The following PHF21B variants were observed in gnomAD, a reference collection of about 807,000 sequenced individuals.
The protein encoded by PHF21B is PHD finger protein 21B, also known as PHD finger protein 4.
In PHF21B, 22 loss-of-function variants were observed where a neutral mutation model predicts 62.2. The ratio of observed to expected loss-of-function variants is 0.35; its 90% CI spans 0.25 to 0.51. PHF21B has a LOEUF of 0.51. Among genes scored for constraint, PHF21B ranks in the 20% least tolerant of loss-of-function variants. The probability of loss-of-function intolerance (pLI) is 0.97; values close to 1 mark genes in which losing one functional copy is unlikely to be tolerated. For missense variants in PHF21B, 701 were observed against 707.9 expected (o/e 0.99, Z 0.11); for synonymous variants, 341 against 314.7 (o/e 1.08, Z -0.88).
chr22:44,914,213 C>T (rs2071396712), intron 4 of PHF21B, 125 bp from the exon 5 acceptor site: 5 of 564,132 alleles, frequency 8.9e-6, no homozygotes, highest in Non-Finnish European at 1.6e-5. Context: ...CCTGGGAGGG[C>T]GGATCCCCGG....
At chr22:44,948,180 A>G (rs1001543915) in intron 2 of PHF21B, among the ~76,000 whole-genome samples, 1 of 152,246 alleles carries the variant, frequency 6.6e-6, no homozygotes, top group Non-Finnish European at 1.5e-5. Flanking sequence ...TTTATTGTGT[A>G]GTTTATTTCT....
intron 2 of PHF21B, among the ~76,000 whole-genome samples, chr22:45,000,140 C>T (rs1452187990): frequency 2.0e-5 from 3 of 152,080 alleles, no homozygotes; most frequent in African/African-American, 7.2e-5. Context: ...TCCAGTCTGT[C>T]CAGTTTTAAA....
At chr22:44,945,822 G>T (rs146671474) in intron 2 of PHF21B, among the ~76,000 whole-genome samples, 4 of 152,100 alleles carry the variant, frequency 2.6e-5, no homozygotes, top group Admixed American at 1.3e-4. Context: ...TCCAAAGGGG[G>T]CTGAGTGCCT....
chr22:44,908,899 G>GC (rs2071298142), intron 5 of PHF21B, among the ~76,000 whole-genome samples: 1 of 152,220 alleles, frequency 6.6e-6, no homozygotes, highest in African/African-American at 2.4e-5. Context: ...CCAGGTTCAA[G>GC]CGATTCTCCT....
At chr22:44,925,902 C>T (rs1419568626) in intron 2 of PHF21B, among the ~76,000 whole-genome samples, 1 of 152,194 alleles carries the variant, frequency 6.6e-6, no homozygotes, top group Non-Finnish European at 1.5e-5. Context: ...TGCAGCTGGT[C>T]AACAGTCAGG....
intron 7 of PHF21B, among the ~76,000 whole-genome samples, chr22:44,892,320 G>A (rs182859660): frequency 6.6e-6 from 1 of 152,352 alleles, no homozygotes; most frequent in African/African-American, 2.4e-5. Context: ...GAACAGGAGC[G>A]GGGCAGGCAG....
chr22:44,985,998 A>G (rs2072939698), intron 2 of PHF21B, among the ~76,000 whole-genome samples: 1 of 151,324 alleles, frequency 6.6e-6, no homozygotes, highest in African/African-American at 2.4e-5. Flanking sequence ...CACCATCACC[A>G]TGACAACCAT....
intron 2 of PHF21B, among the ~76,000 whole-genome samples, chr22:44,958,274 C>T (rs76381219): frequency 0.074 from 11,323 of 152,134 alleles, 491 homozygotes; most frequent in South Asian, 0.11. Context: ...CCCTGACTCT[C>T]TCCCTACACA....
intron 2 of PHF21B, among the ~76,000 whole-genome samples, chr22:44,991,011 C>A (rs566523597): frequency 1.3e-5 from 2 of 152,216 alleles, no homozygotes; most frequent in African/African-American, 2.4e-5. Flanking sequence ...CCCAGGCCTG[C>A]GAGGCGGGAA....
intron 2 of PHF21B, among the ~76,000 whole-genome samples, chr22:44,974,167 A>G (rs2072692874): frequency 6.6e-6 from 1 of 152,126 alleles, no homozygotes; most frequent in Non-Finnish European, 1.5e-5. Flanking sequence ...TAATCCCAAC[A>G]CTTTGGGAGG....
At chr22:44,981,826 G>A (rs961123474) in intron 2 of PHF21B, among the ~76,000 whole-genome samples, 1 of 152,230 alleles carries the variant, frequency 6.6e-6, no homozygotes, top group African/African-American at 2.4e-5. Context: ...GTTCTGGAAT[G>A]GAAACTGACA....
chr22:44,991,480 A>G (rs375655842), intron 2 of PHF21B, among the ~76,000 whole-genome samples: 1 of 152,000 alleles, frequency 6.6e-6, no homozygotes, highest in Non-Finnish European at 1.5e-5. Flanking sequence ...GTCCTCCCCC[A>G]GGGAAGGAGG....
intron 5 of PHF21B, among the ~76,000 whole-genome samples, chr22:44,909,081 A>C (rs1384741408): frequency 6.6e-6 from 1 of 152,228 alleles, no homozygotes; most frequent in South Asian, 2.1e-4. Context: ...TACAGGTGTG[A>C]GCCACTGCGC....
intron 3 of PHF21B, among the ~76,000 whole-genome samples, chr22:44,917,442 C>A (rs983969272): frequency 3.9e-5 from 6 of 152,124 alleles, no homozygotes; most frequent in African/African-American, 1.4e-4. Context: ...CACCACTGAC[C>A]CCATGCATGG....
chr22:44,920,639 A>G (rs1185945971), intron 2 of PHF21B, 149 bp from the exon 3 acceptor site: 1 of 533,828 alleles, frequency 1.9e-6, no homozygotes, highest in Non-Finnish European at 3.4e-6. Context: ...AAAAATCACA[A>G]TAGTAATCGA....
intron 2 of PHF21B, among the ~76,000 whole-genome samples, chr22:44,928,075 C>G (rs956472070): frequency 2.6e-5 from 4 of 152,090 alleles, no homozygotes; most frequent in African/African-American, 9.7e-5. Flanking sequence ...ACATGTGGCT[C>G]TGGAAAAATC....
At position 44,914,103 on chromosome 22, in the gene PHF21B, T is replaced by A; in HGVS notation, c.565-15A>T. The A allele has an allele frequency of 1.9e-6, 1 of 525,110 alleles. No homozygotes were observed. The highest frequency in any genetic ancestry group is 2.9e-6 in the Non-Finnish European group (1 of 342,842). The allele number at this position is 525,110 out of a possible 1,614,324, so 32.5% of individuals were successfully genotyped here. ...CGTGGAGGAGGCTGGAGAGCGAGGG[T>A]GAGGGGCACAGGGAGGAAGGGAAGA... On this transcript the variant is annotated splice_polypyrimidine_tract_variant and intron_variant, in intron 4 of 12. Transcript: ENST00000313237.
At chr22:44,914,154 G>A in intron 4 of PHF21B, 66 bp from the exon 5 acceptor site, 1 of 574,332 alleles carries the variant, frequency 1.7e-6, no homozygotes, top group Non-Finnish European at 3.1e-6. Context: ...GAGGTAGCTG[G>A]TATGGCACAG....
At chr22:44,899,560 G>C (rs2071120919) in intron 5 of PHF21B, among the ~76,000 whole-genome samples, 1 of 152,200 alleles carries the variant, frequency 6.6e-6, no homozygotes, top group Non-Finnish European at 1.5e-5. Context: ...AAAGTGCTGG[G>C]ATTACAGGCG....
Sources: gnomAD v4.1 joint callset for allele counts (sites outside exome capture counted in the v4.1 genomes callset) on GRCh38, gnomAD v4.1.1 for gene constraint, MANE v1.5 for transcripts, NCBI Gene and HGNC (gene_info 2026-07-23, HGNC 2026-07-21) for gene names.